Variants in FRMD4B observed in about 807,000 individuals in gnomAD.
FRMD4B encodes the protein FERM domain containing 4B.
FRMD4B carries 74 observed loss-of-function variants against 141.5 expected under a neutral mutation model. That is an observed-to-expected ratio of 0.52 (90% CI 0.43 to 0.63). The LOEUF (loss-of-function observed/expected upper bound fraction) is 0.63, where lower values mean the gene tolerates loss of function less well. Ranked by LOEUF, FRMD4B falls within the 30% of genes least tolerant of loss-of-function variation. The probability of loss-of-function intolerance (pLI) is 0.00; values close to 1 mark genes in which losing one functional copy is unlikely to be tolerated. For missense variants in FRMD4B, 1,366 were observed against 1,253.4 expected (o/e 1.09, Z -1.36); for synonymous variants, 506 against 467.9 (o/e 1.08, Z -1.05).
At chr3:69,260,139 T>G (rs2093516681) in intron 5 of FRMD4B, among the ~76,000 whole-genome samples, 1 of 152,140 alleles carries the variant, frequency 6.6e-6, no homozygotes, top group Non-Finnish European at 1.5e-5. Context: ...TCTCGGTGCC[T>G]CCTTGGCCTC....
intron 5 of FRMD4B, among the ~76,000 whole-genome samples, chr3:69,254,543 A>T (rs2093481291): frequency 6.6e-6 from 1 of 152,200 alleles, no homozygotes; most frequent in Non-Finnish European, 1.5e-5. Context: ...AAGCTGACAC[A>T]TACCATCTTA....
intron 1 of FRMD4B, among the ~76,000 whole-genome samples, chr3:69,540,692 C>T (rs6802136): frequency 0.13 from 16,588 of 127,706 alleles, 1,325 homozygotes; most frequent in African/African-American, 0.16. Context: ...CACACACACA[C>T]GGCAGTTATT....
At chr3:69,485,511 G>A (rs1368361439) in intron 1 of FRMD4B, among the ~76,000 whole-genome samples, 1 of 152,170 alleles carries the variant, frequency 6.6e-6, no homozygotes, top group East Asian at 1.9e-4. Flanking sequence ...CAGAAGCAAG[G>A]GGTGCCTGGG....
At chr3:69,512,799 A>G (rs953275523) in intron 1 of FRMD4B, among the ~76,000 whole-genome samples, 12 of 152,240 alleles carry the variant, frequency 7.9e-5, no homozygotes, top group African/African-American at 2.9e-4. Context: ...TTAAAAGGAT[A>G]AAAGGTAAGC....
chr3:69,480,836 A>G (rs1706109051), intron 1 of FRMD4B, among the ~76,000 whole-genome samples: 1 of 151,796 alleles, frequency 6.6e-6, no homozygotes, highest in Non-Finnish European at 1.5e-5. Context: ...AGGCAGGCAG[A>G]CCTCCTTGAG....
chr3:69,201,590 A>T (rs2092968217), intron 11 of FRMD4B, among the ~76,000 whole-genome samples: 1 of 152,202 alleles, frequency 6.6e-6, no homozygotes, highest in Non-Finnish European at 1.5e-5. Context: ...TGCTAGGAAA[A>T]TATTTCTAAT....
chr3:69,492,667 T>C (rs1706318502), intron 1 of FRMD4B, among the ~76,000 whole-genome samples: 1 of 152,244 alleles, frequency 6.6e-6, no homozygotes. Context: ...TTTACCTGAT[T>C]TGTAATTTCA....
intron 1 of FRMD4B, among the ~76,000 whole-genome samples, chr3:69,321,301 T>C (rs1424777905): frequency 6.6e-6 from 1 of 152,234 alleles, no homozygotes; most frequent in East Asian, 1.9e-4. Flanking sequence ...TTTGCTTTAG[T>C]TGTTCTTTGG....
intron 1 of FRMD4B, among the ~76,000 whole-genome samples, chr3:69,366,513 C>T (rs747078490): frequency 7.6e-6 from 1 of 131,580 alleles, no homozygotes; most frequent in Non-Finnish European, 1.6e-5. Flanking sequence ...GTGATCTCAC[C>T]TCTGTAAAAA....
At chr3:69,315,965 A>C (rs997530626) in intron 1 of FRMD4B, among the ~76,000 whole-genome samples, 12 of 152,254 alleles carry the variant, frequency 7.9e-5, no homozygotes, top group Non-Finnish European at 1.3e-4. Flanking sequence ...GAAGTGTTTT[A>C]TATACATTAT....
At chr3:69,433,040 A>G (rs1705204895) in intron 1 of FRMD4B, 1 of 152,236 alleles carries the variant, frequency 6.6e-6, no homozygotes. Context: ...TTAGACTTCT[A>G]CTGTCTCTGT....
intron 1 of FRMD4B, among the ~76,000 whole-genome samples, chr3:69,511,476 G>A (rs916539850): frequency 6.6e-5 from 10 of 152,064 alleles, no homozygotes; most frequent in African/African-American, 2.4e-4. Context: ...ACACATGCAT[G>A]TATAATTAAA....
intron 1 of FRMD4B, among the ~76,000 whole-genome samples, chr3:69,452,638 G>A (rs1262213298): frequency 6.6e-6 from 1 of 152,244 alleles, no homozygotes; most frequent in Non-Finnish European, 1.5e-5. Context: ...CACTTGGGCA[G>A]AGACTGATGA....
intron 1 of FRMD4B, among the ~76,000 whole-genome samples, chr3:69,319,524 G>A (rs1042126840): frequency 1.2e-4 from 19 of 152,162 alleles, no homozygotes; most frequent in Non-Finnish European, 2.5e-4. Context: ...ATTCTCCAGA[G>A]CTGCTGTAGG....
At chr3:69,235,081 C>G (rs959635774) in intron 7 of FRMD4B, among the ~76,000 whole-genome samples, 1 of 150,668 alleles carries the variant, frequency 6.6e-6, no homozygotes, top group Admixed American at 6.6e-5. Flanking sequence ...ACCCAGGAGG[C>G]GGAGTTTACA....
chr3:69,480,310 GCT>G (rs1706097412), intron 1 of FRMD4B, among the ~76,000 whole-genome samples: 1 of 152,168 alleles, frequency 6.6e-6, no homozygotes, highest in Non-Finnish European at 1.5e-5. Context: ...CAGTTTTTCT[GCT>G]CTGTTTTTTC....
chr3:69,364,236 C>G (rs1055903967), intron 1 of FRMD4B, among the ~76,000 whole-genome samples: 3 of 152,248 alleles, frequency 2.0e-5, no homozygotes, highest in African/African-American at 7.2e-5. Flanking sequence ...CTTGATGATT[C>G]TGACTTCCAA....
intron 1 of FRMD4B, among the ~76,000 whole-genome samples, chr3:69,351,003 A>G (rs1254117905): frequency 6.6e-6 from 1 of 152,096 alleles, no homozygotes; most frequent in East Asian, 1.9e-4. Context: ...AGAAAACCAA[A>G]TGAGAAAATA....
At position 69,196,310 on chromosome 3, in the gene FRMD4B, T is replaced by A; in HGVS notation, c.1179A>T (p.Thr393=). The A allele has an allele frequency of 6.2e-7, 1 of 1,606,462 alleles. No homozygotes were observed. The highest frequency in any genetic ancestry group is 8.5e-7 in the Non-Finnish European group (1 of 1,174,178). ...TGATGAACTGACTTTTCGTCTCCAG[T>A]GTCACCAGCTTGGAGGCCCTTTGTG... The part of the protein sequence containing the change: ...TGTQRASKLV[T]LETKSQFIMA... Residue 393 remains threonine, a synonymous_variant, in exon 14 of 23, where the codon ACA becomes ACT. Transcript: ENST00000398540.
Sources: allele counts gnomAD v4.1 joint callset (sites outside exome capture counted in the v4.1 genomes callset), GRCh38; gene constraint gnomAD v4.1.1; transcripts MANE v1.5; gene names NCBI Gene and HGNC (gene_info 2026-07-23, HGNC 2026-07-21).